ICA1: variants seen among roughly 807,000 people sequenced by gnomAD.
The protein encoded by ICA1 is 69 kDa islet cell autoantigen.
A neutral mutation model predicts 71.0 loss-of-function variants in ICA1; 40 were observed. The ratio of observed to expected loss-of-function variants is 0.56; its 90% CI spans 0.44 to 0.73. ICA1 has a LOEUF of 0.73. ICA1 is among the 30% of genes least tolerant of loss of function. The pLI, the probability that ICA1 is intolerant of heterozygous loss-of-function variation, is 0.00. For missense variants in ICA1, 578 were observed against 576.5 expected (o/e 1.00, Z -0.03); for synonymous variants, 207 against 209.5 (o/e 0.99, Z 0.10).
chr7:8,206,877 C>T (rs1262698091), intron 6 of ICA1, among the ~76,000 whole-genome samples: 1 of 152,158 alleles, frequency 6.6e-6, no homozygotes, highest in African/African-American at 2.4e-5. Flanking sequence ...CCCCTATGGT[C>T]CCTCCTCTTC....
chr7:8,175,523 T>C (rs1053403675), intron 6 of ICA1, among the ~76,000 whole-genome samples: 1 of 145,966 alleles, frequency 6.9e-6, no homozygotes, highest in African/African-American at 2.7e-5. Flanking sequence ...AGATAAGGGT[T>C]TTTTTCTTTA....
At position 8,129,234 on chromosome 7, in the gene ICA1, G is replaced by T. The variant is rs545497903; in HGVS notation, c.1061-1092C>A. Among the ~76,000 whole-genome samples, 9 of 152,096 alleles carry T rather than the reference G, an allele frequency of 5.9e-5. No homozygotes were observed. The South Asian group carries it at 1.9e-3, about 32-fold the overall frequency. Reference sequence around the variant, plus strand: ...CTTGGAAACTATAAACATTTTTGTTGTTAATTCACAAAGAGAAGAAAAAAA... The same window carrying T: ...CTTGGAAACTATAAACATTTTTGTTTTTAATTCACAAAGAGAAGAAAAAAA... On this transcript the variant is annotated intron_variant, in intron 12 of 13. Transcript: ENST00000402384.
At chr7:8,125,732 C>T (rs1015250559) in intron 13 of ICA1, among the ~76,000 whole-genome samples, 2 of 152,128 alleles carry the variant, frequency 1.3e-5, no homozygotes, top group Non-Finnish European at 2.9e-5. Context: ...CAGTGGGACC[C>T]GGTAAATATT....
intron 1 of ICA1, among the ~76,000 whole-genome samples, chr7:8,244,961 G>A (rs1319757998): frequency 6.6e-6 from 1 of 152,160 alleles, no homozygotes; most frequent in African/African-American, 2.4e-5. Context: ...ACTGTTGGTG[G>A]GGAGTGTAAA....
At chr7:8,185,604 A>G (rs1585010610) in intron 6 of ICA1, among the ~76,000 whole-genome samples, 1 of 152,336 alleles carries the variant, frequency 6.6e-6, no homozygotes, top group Middle Eastern at 3.4e-3. Context: ...TGCATACTTA[A>G]TCTTAAGAAC....
intron 12 of ICA1, among the ~76,000 whole-genome samples, chr7:8,137,849 A>G (rs555573389): frequency 5.9e-5 from 9 of 152,218 alleles, no homozygotes; most frequent in Non-Finnish European, 2.9e-5. Context: ...TCTGTCTTCC[A>G]GAGACTCTCT....
chr7:8,119,115 G>A (rs1259331573), intron 13 of ICA1, among the ~76,000 whole-genome samples: 1 of 152,178 alleles, frequency 6.6e-6, no homozygotes, highest in Non-Finnish European at 1.5e-5. Flanking sequence ...AAGAATCAGA[G>A]GGGCCCACTT....
intron 10 of ICA1, among the ~76,000 whole-genome samples, chr7:8,140,857 A>C (rs1794986680): frequency 6.6e-6 from 1 of 152,206 alleles, no homozygotes; most frequent in Non-Finnish European, 1.5e-5. Flanking sequence ...AAAAAGGAAG[A>C]TAGAGGGTGA....
chr7:8,157,199 A>C lies in ICA1; in HGVS notation c.721T>G (p.Phe241Val). ...LATYQTTLLH[F>V]WEKTSHTMAA... ...ATAGTGTGAGAAGTTTTCTCCCAAA[A>C]ATGAAGCAGAGTGGTCTGCAAAGAA... Residue 241 changes from phenylalanine (F) to valine (V), a missense_variant, in exon 8 of 14, where the codon TTT becomes GTT. Coordinates refer to ENST00000402384, the MANE Select transcript of ICA1 (RefSeq NM_001136020.3). The C allele has an allele frequency of 1.2e-6, 2 of 1,606,628 alleles. No homozygotes were observed. The highest frequency in any genetic ancestry group is 1.1e-5 in the South Asian group (1 of 89,456).
chr7:8,230,548 AC>A (rs1206847165), intron 3 of ICA1, among the ~76,000 whole-genome samples: 1 of 152,224 alleles, frequency 6.6e-6, no homozygotes, highest in South Asian at 2.1e-4. Context: ...GATGCTACAT[AC>A]CTAGGACAGC....
At chr7:8,117,693 C>G (rs903980946) in intron 13 of ICA1, among the ~76,000 whole-genome samples, 5 of 152,158 alleles carry the variant, frequency 3.3e-5, no homozygotes, top group African/African-American at 1.2e-4. Flanking sequence ...TATTGGCATA[C>G]TCTCGTCACA....
At chr7:8,250,527 C>T (rs190426794) in intron 1 of ICA1, among the ~76,000 whole-genome samples, 220 of 152,128 alleles carry the variant, frequency 1.4e-3, no homozygotes, top group Non-Finnish European at 2.6e-3. Flanking sequence ...ACAGCTTGTC[C>T]TTTTGGATTT....
In ICA1 at chr7:8,130,355, G is replaced by A. The variant is rs1447812619; in HGVS notation, c.1061-2213C>T. ...GGCCCACCTCTGTGGATGAAGGCAG[G>A]AGCTGAAGGAAAGGAAAGCAACCTT... On this transcript the variant is annotated intron_variant, in intron 12 of 13. Coordinates refer to ENST00000402384, the MANE Select transcript of ICA1 (RefSeq NM_001136020.3). The surrounding 1 kb of genome is among the most constrained non-coding windows in gnomAD (Gnocchi z 4.2). Among the ~76,000 whole-genome samples the A allele has an allele frequency of 6.6e-6, 1 of 152,230 alleles. No individual in the cohort carries two copies. Among genetic ancestry groups the A allele is most frequent in the East Asian group, 1.9e-4 (1 of 5,196 alleles).
At chr7:8,233,346 T>G (rs1362121803) in intron 2 of ICA1, among the ~76,000 whole-genome samples, 1 of 151,928 alleles carries the variant, frequency 6.6e-6, no homozygotes, top group African/African-American at 2.4e-5. Context: ...TTATGCAAGA[T>G]GAATAAGCTC....
chr7:8,259,602 T>C (rs896513791), intron 1 of ICA1, among the ~76,000 whole-genome samples: 7 of 152,260 alleles, frequency 4.6e-5, no homozygotes, highest in African/African-American at 1.7e-4. Flanking sequence ...GCATTTTATA[T>C]ACATTATCTC....
At chr7:8,160,817 C>T (rs1340398298) in intron 6 of ICA1, among the ~76,000 whole-genome samples, 1 of 152,116 alleles carries the variant, frequency 6.6e-6, no homozygotes, top group Non-Finnish European at 1.5e-5. Context: ...GTTTAAATTC[C>T]CTGGGAGCTC....
intron 6 of ICA1, among the ~76,000 whole-genome samples, chr7:8,203,412 G>C (rs993937250): frequency 2.6e-5 from 4 of 152,080 alleles, no homozygotes; most frequent in Non-Finnish European, 4.4e-5. Flanking sequence ...CTAAAATAGA[G>C]CAAAATTGCC....
intron 8 of ICA1, among the ~76,000 whole-genome samples, chr7:8,152,651 C>CACT (rs1562700560): frequency 3.9e-4 from 58 of 148,574 alleles, no homozygotes; most frequent in South Asian, 2.8e-3. Flanking sequence ...CCTCCACCAC[C>CACT]ACCACCACCA....
At chr7:8,180,519 C>G (rs1781881577) in intron 6 of ICA1, among the ~76,000 whole-genome samples, 1 of 152,090 alleles carries the variant, frequency 6.6e-6, no homozygotes, top group Non-Finnish European at 1.5e-5. Context: ...AACATTCATT[C>G]TCCTTGAGTA....
Sources: allele counts gnomAD v4.1 joint callset (sites outside exome capture counted in the v4.1 genomes callset), GRCh38; gene constraint gnomAD v4.1.1; non-coding constraint Gnocchi (gnomAD v3.1); transcripts MANE v1.5; gene names NCBI Gene and HGNC (gene_info 2026-07-23, HGNC 2026-07-21).